The following TDRD5 variants were observed in gnomAD, a reference collection of about 807,000 sequenced individuals.
The protein encoded by TDRD5 is tudor domain containing 5.
Under a neutral mutation model 120.6 loss-of-function variants are expected in TDRD5, and 41 were observed. That is an observed-to-expected ratio of 0.34 (90% CI 0.26 to 0.44). The LOEUF is 0.44. Among genes scored for constraint, TDRD5 ranks in the 20% least tolerant of loss-of-function variants. The probability of loss-of-function intolerance (pLI) is 1.00; values close to 1 mark genes in which losing one functional copy is unlikely to be tolerated. For synonymous variants in TDRD5, 430 were observed against 433.7 expected (o/e 0.99, Z 0.11); for missense variants, 1,006 against 1,221.2 (o/e 0.82, Z 2.63).
Position 179,664,519 on chromosome 1 carries a change from G to A in TDRD5, c.2649+1028G>A, listed in dbSNP as rs543085902. On this transcript the variant is annotated intron_variant, in intron 16 of 17. Coordinates refer to ENST00000444136, the MANE Select transcript of TDRD5 (RefSeq NM_001199085.3). ...GCAGCTACTTACTAATCTGCTTTCT[G>A]TCTCTACAGATTTGTCTGTTAAATG... is the stretch of plus-strand genomic sequence containing the variant. Among the ~76,000 whole-genome samples the A allele has an allele frequency of 7.9e-5, 12 of 152,156 alleles. No homozygotes were observed. In the South Asian group the frequency reaches 2.5e-3, roughly 32 times the overall value.
At chr1:179,678,795 T>C (rs995174369) in intron 17 of TDRD5, among the ~76,000 whole-genome samples, 3 of 152,334 alleles carry the variant, frequency 2.0e-5, no homozygotes, top group Non-Finnish European at 2.9e-5. Flanking sequence ...TTTTGGGATT[T>C]TCTGTATAGA....
intron 11 of TDRD5, among the ~76,000 whole-genome samples, chr1:179,641,039 G>C (rs1462832209): frequency 6.6e-6 from 1 of 152,104 alleles, no homozygotes; most frequent in African/African-American, 2.4e-5. Flanking sequence ...AGGTGGAATG[G>C]AGCAGGAGGC....
intron 6 of TDRD5, among the ~76,000 whole-genome samples, chr1:179,622,597 A>C (rs1676899082): frequency 6.6e-6 from 1 of 152,222 alleles, no homozygotes; most frequent in Non-Finnish European, 1.5e-5. Flanking sequence ...AAACTATAAA[A>C]ACCAAGTTAT....
chr1:179,668,741 C>CTT (rs35873475), intron 16 of TDRD5, among the ~76,000 whole-genome samples: 7,664 of 110,266 alleles, frequency 0.07, 546 homozygotes, highest in Non-Finnish European at 0.1. Flanking sequence ...TATCTAGGTT[C>CTT]TTTTTTTTTT....
At chr1:179,631,184 G>A (rs1403521100) in intron 7 of TDRD5, among the ~76,000 whole-genome samples, 16 of 152,100 alleles carry the variant, frequency 1.1e-4, no homozygotes, top group Admixed American at 9.8e-4. Context: ...GAGGTCAGGC[G>A]ATTGAGACCA....
chr1:179,668,814 C>T (rs1572423018), intron 16 of TDRD5, among the ~76,000 whole-genome samples: 2 of 143,622 alleles, frequency 1.4e-5, no homozygotes, highest in Non-Finnish European at 3.0e-5. Flanking sequence ...GCAACCTCGG[C>T]TCACTGCAAC....
At chr1:179,609,790 C>A (rs753705096) in intron 4 of TDRD5, among the ~76,000 whole-genome samples, 1 of 152,148 alleles carries the variant, frequency 6.6e-6, no homozygotes, top group African/African-American at 2.4e-5. Context: ...GTTTGTTTCT[C>A]CAGCCTCAAA....
At chr1:179,659,857 C>T (rs894099008) in intron 14 of TDRD5, among the ~76,000 whole-genome samples, 7 of 151,700 alleles carry the variant, frequency 4.6e-5, no homozygotes, top group Non-Finnish European at 4.4e-5. Context: ...GCCCCATGCC[C>T]GGCTAATTTT....
intron 4 of TDRD5, among the ~76,000 whole-genome samples, chr1:179,611,380 A>G (rs900662823): frequency 6.6e-6 from 1 of 151,918 alleles, no homozygotes; most frequent in Admixed American, 6.6e-5. Context: ...TAAGACTGGA[A>G]CTCTAAGTGT....
At chr1:179,648,471 C>T (rs1159985519) in intron 11 of TDRD5, among the ~76,000 whole-genome samples, 1 of 126,846 alleles carries the variant, frequency 7.9e-6, no homozygotes, top group Non-Finnish European at 1.7e-5. Context: ...GGAGGGATAG[C>T]ATTGGGAGAT....
At chr1:179,648,285 A>T (rs1379104281) in intron 11 of TDRD5, among the ~76,000 whole-genome samples, 1 of 146,714 alleles carries the variant, frequency 6.8e-6, no homozygotes, top group African/African-American at 2.5e-5. Context: ...TGATGAGTTC[A>T]TGTCCTTTGT....
chr1:179,635,696 C>T lies in TDRD5; in HGVS notation c.1329C>T (p.Asn443=). Residue 443 remains asparagine (N), a synonymous_variant, in exon 9 of 18, where the codon AAC becomes AAT. Transcript: ENST00000444136. ...LQVETNKSEL[N]LAMANHDIPP... is the part of the protein sequence containing the mutation. ...TAGAAACAAACAAATCAGAGCTCAA[C>T]TTGGCAATGGCAAATCATGACATCC... 2 of 1,613,900 alleles carry T rather than the reference C, an allele frequency of 1.2e-6. No individual in the cohort carries two copies. The highest frequency in any genetic ancestry group is 1.7e-6 in the Non-Finnish European group (2 of 1,179,972).
intron 8 of TDRD5, 122 bp from the exon 9 acceptor site, chr1:179,635,543 CTG>C (rs1439024484): frequency 1.1e-5 from 10 of 934,968 alleles, no homozygotes; most frequent in Non-Finnish European, 1.6e-5. Flanking sequence ...GTTCAAGAAT[CTG>C]TATTTTTATA....
At chr1:179,609,664 T>C (rs1476793273) in intron 4 of TDRD5, among the ~76,000 whole-genome samples, 2 of 152,178 alleles carry the variant, frequency 1.3e-5, no homozygotes, top group African/African-American at 4.8e-5. Context: ...CTAGGGCTAA[T>C]TTAGCCCCAC....
chr1:179,620,318 T>C (rs1254554595), intron 5 of TDRD5, among the ~76,000 whole-genome samples: 4 of 152,164 alleles, frequency 2.6e-5, no homozygotes, highest in African/African-American at 9.7e-5. Context: ...TGTACTTTAT[T>C]GGGATAGAGT....
At chr1:179,634,392 TG>T in intron 7 of TDRD5, 64 bp from the exon 8 acceptor site, 1 of 1,513,540 alleles carries the variant, frequency 6.6e-7, no homozygotes, top group Non-Finnish European at 8.9e-7. Flanking sequence ...TTAACAAATA[TG>T]CATAGGCTGC....
chr1:179,602,339 C>G (rs548726889), intron 4 of TDRD5, among the ~76,000 whole-genome samples: 2 of 152,200 alleles, frequency 1.3e-5, no homozygotes, highest in Admixed American at 1.3e-4. Flanking sequence ...TGTTTGTTGG[C>G]CATTTGTATA....
chr1:179,669,391 G>A lies in TDRD5; in HGVS notation c.2847G>A (p.Lys949=), dbSNP rs755552371. ...STTAVDDSAE[K]PSGSVESSPE... is the part of the protein sequence containing the mutation. ...CTGCAGTGGATGATTCCGCAGAAAA[G>A]CCCTCTGGTTCTGGTATGTTTGTGT... Residue 949 remains lysine, a synonymous_variant, in exon 17 of 18, where the codon AAG becomes AAA. Transcript: ENST00000444136. 5 of 1,614,088 alleles carry A rather than the reference G, an allele frequency of 3.1e-6. No individual in the cohort carries two copies. In the South Asian group the frequency reaches 4.4e-5, roughly 14 times the overall value.
At chr1:179,681,051 C>T (rs1680392750) in intron 17 of TDRD5, among the ~76,000 whole-genome samples, 1 of 148,786 alleles carries the variant, frequency 6.7e-6, no homozygotes, top group African/African-American at 2.5e-5. Context: ...AACCGCACCA[C>T]GTGTTTACAA....
Sources: gnomAD v4.1 joint callset for allele counts (sites outside exome capture counted in the v4.1 genomes callset) on GRCh38, gnomAD v4.1.1 for gene constraint, MANE v1.5 for transcripts, NCBI Gene and HGNC (gene_info 2026-07-23, HGNC 2026-07-21) for gene names.